The following TRPC5 variants were observed in gnomAD, a reference collection of about 807,000 sequenced individuals.
The protein encoded by TRPC5 is transient receptor potential cation channel subfamily C member 5.
A neutral mutation model predicts 56.5 loss-of-function variants in TRPC5; 9 were observed. The ratio of observed to expected loss-of-function variants is 0.16; its 90% CI spans 0.10 to 0.28. The LOEUF (loss-of-function observed/expected upper bound fraction) is 0.28, where lower values mean the gene tolerates loss of function less well. Ranked by LOEUF, TRPC5 falls within the 10% of genes least tolerant of loss-of-function variation. The pLI is 1.00. For synonymous variants in TRPC5, 282 were observed against 278.5 expected (o/e 1.01, Z -0.13); for missense variants, 469 against 748.9 (o/e 0.63, Z 4.36).
At chrX:111,806,622 T>G (rs1043610909) in intron 7 of TRPC5, among the ~76,000 whole-genome samples, 3 of 111,966 alleles carry the variant, frequency 2.7e-5, no homozygotes, top group Non-Finnish European at 5.6e-5. Context: ...GCCATATTCT[T>G]TTTCTTCTCC....
chrX:111,858,959 A>G (rs908652139), intron 3 of TRPC5, among the ~76,000 whole-genome samples: 1 of 111,499 alleles, frequency 9.0e-6, no homozygotes, highest in African/African-American at 3.3e-5. Flanking sequence ...TCCAGACCCT[A>G]CAGTTATAAA....
chrX:111,975,456 T>C (rs1003205020), intron 1 of TRPC5, among the ~76,000 whole-genome samples: 4 of 110,928 alleles, frequency 3.6e-5, no homozygotes, highest in Non-Finnish European at 5.7e-5. Context: ...CTTTAAGTTC[T>C]AGGGTACATG....
At chrX:111,962,541 G>A (rs1025233405) in intron 1 of TRPC5, among the ~76,000 whole-genome samples, 9 of 112,124 alleles carry the variant, frequency 8.0e-5, no homozygotes, top group South Asian at 3.7e-4. Context: ...AAACTTTAAC[G>A]CATGAAGAGT....
chrX:112,042,274 G>A (rs7060180), intron 1 of TRPC5, among the ~76,000 whole-genome samples: 14,242 of 111,033 alleles, frequency 0.13, 776 homozygotes, highest in African/African-American at 0.18. Context: ...TGTGACAGCC[G>A]TTAAATGCAG....
chrX:111,828,533 T>A (rs1922306264), intron 7 of TRPC5, among the ~76,000 whole-genome samples: 1 of 111,749 alleles, frequency 8.9e-6, no homozygotes, highest in Non-Finnish European at 1.9e-5. Context: ...CAGTCTTGGG[T>A]ATTTCTTCAT....
At chrX:112,068,529 C>T (rs1401113605) in intron 1 of TRPC5, among the ~76,000 whole-genome samples, 1 of 112,065 alleles carries the variant, frequency 8.9e-6, no homozygotes, top group Non-Finnish European at 1.9e-5. Flanking sequence ...TAGTCACTTG[C>T]TACAGGGGCA....
chrX:111,778,951 T>C lies in TRPC5; in HGVS notation c.2232+34A>G, dbSNP rs766977817. The C allele has an allele frequency of 1.5e-4, 156 of 1,013,396 alleles. 1 individual carries two copies. The East Asian group carries it at 4.7e-3, about 31-fold the overall frequency. The allele number at this position is 1,013,396 out of a possible 1,213,427, so 83.5% of individuals were successfully genotyped here. On this transcript the variant is annotated intron_variant, in intron 10 of 10. Transcript: ENST00000262839. ...TGAAGATTAAATGATGCTTATGATA[T>C]GTAAAATGAAAAACCACTTCATGAT...
At chrX:111,984,019 T>C (rs1007112907) in intron 1 of TRPC5, among the ~76,000 whole-genome samples, 2 of 111,466 alleles carry the variant, frequency 1.8e-5, no homozygotes, top group Non-Finnish European at 3.8e-5. Context: ...CCCCCAACTT[T>C]ATAGCTTGGT....
chrX:111,769,067 A>G lies in TRPC5; in HGVS notation c.*7246T>C, dbSNP rs996635077. Among the ~76,000 whole-genome samples the G allele has an allele frequency of 1.5e-4, 17 of 111,764 alleles. No individual in the cohort carries two copies. The highest frequency in any genetic ancestry group is 4.9e-4 in the African/African-American group (15 of 30,719). On this transcript the variant is annotated 3_prime_UTR_variant, in exon 11 of 11. Transcript: ENST00000262839. ...TCAAATGACCTGAACACATTCAGCT[A>G]GCTAGCTGCCATCTTCCTATTAGAG...
chrX:112,028,797 G>A (rs1929500684), intron 1 of TRPC5, among the ~76,000 whole-genome samples: 1 of 111,681 alleles, frequency 9.0e-6, no homozygotes, highest in African/African-American at 3.3e-5. Context: ...ACCCAGTAAT[G>A]GGATCGCTGG....
intron 3 of TRPC5, among the ~76,000 whole-genome samples, chrX:111,893,233 G>T (rs561773350): frequency 3.1e-4 from 34 of 110,588 alleles, no homozygotes; most frequent in African/African-American, 1.1e-3. Flanking sequence ...CCCTTTTCCT[G>T]TTACCTCCAA....
At chrX:111,923,767 A>G (rs777121702) in intron 2 of TRPC5, among the ~76,000 whole-genome samples, 18 of 111,836 alleles carry the variant, frequency 1.6e-4, no homozygotes, top group African/African-American at 1.6e-4. Flanking sequence ...TGATGAATCA[A>G]AAAATGAGTC....
chrX:111,817,972 C>T (rs760927467), intron 7 of TRPC5, among the ~76,000 whole-genome samples: 8 of 111,430 alleles, frequency 7.2e-5, no homozygotes, highest in African/African-American at 2.3e-4. Context: ...TTCTTTCATC[C>T]TCGCTCCCAA....
chrX:111,866,665 C>A (rs1418290911), intron 3 of TRPC5, among the ~76,000 whole-genome samples: 2 of 112,315 alleles, frequency 1.8e-5, no homozygotes, highest in East Asian at 5.6e-4. Context: ...ATGTCAGGTT[C>A]TACTGGAAAG....
intron 1 of TRPC5, among the ~76,000 whole-genome samples, chrX:111,967,865 C>A (rs947492570): frequency 4.7e-4 from 52 of 111,653 alleles, no homozygotes; most frequent in African/African-American, 1.5e-3. Context: ...AAAACCATAA[C>A]AACCCTAGAA....
At chrX:111,803,821 G>A (rs778530468) in intron 7 of TRPC5, among the ~76,000 whole-genome samples, 1 of 111,948 alleles carries the variant, frequency 8.9e-6, no homozygotes, top group South Asian at 3.7e-4. Context: ...TGTGATGATA[G>A]TTTCTTTTGC....
intron 1 of TRPC5, among the ~76,000 whole-genome samples, chrX:111,960,306 A>G (rs2148642077): frequency 8.9e-6 from 1 of 112,541 alleles, no homozygotes; most frequent in East Asian, 2.8e-4. Flanking sequence ...TTTCATGGCT[A>G]TAAACACGTG....
At chrX:111,815,093 A>T (rs889853734) in intron 7 of TRPC5, among the ~76,000 whole-genome samples, 1 of 112,164 alleles carries the variant, frequency 8.9e-6, no homozygotes, top group Non-Finnish European at 1.9e-5. Context: ...CATTAGCAGG[A>T]TATCTCTGGG....
At chrX:111,844,049 A>G (rs1219956967) in intron 6 of TRPC5, among the ~76,000 whole-genome samples, 2 of 109,989 alleles carry the variant, frequency 1.8e-5, no homozygotes, top group Non-Finnish European at 3.8e-5. Context: ...GGAAGGTGTA[A>G]GAGTCCCATA....
Sources: gnomAD v4.1 joint callset for allele counts (sites outside exome capture counted in the v4.1 genomes callset) on GRCh38, gnomAD v4.1.1 for gene constraint, MANE v1.5 for transcripts, NCBI Gene and HGNC (gene_info 2026-07-23, HGNC 2026-07-21) for gene names.